The following JAM3 variants were observed in gnomAD, a reference collection of about 807,000 sequenced individuals.
JAM3 encodes the protein junctional adhesion molecule 3.
In JAM3, 31 loss-of-function variants were observed where a neutral mutation model predicts 39.4. The ratio of observed to expected loss-of-function variants is 0.79; its 90% CI spans 0.59 to 1.06. JAM3 has a LOEUF of 1.06. Ranked by LOEUF, JAM3 falls within the 50% of genes least tolerant of loss-of-function variation. The probability of loss-of-function intolerance (pLI) is 0.00; values close to 1 mark genes in which losing one functional copy is unlikely to be tolerated. For missense variants in JAM3, 455 were observed against 391.4 expected, an observed-to-expected ratio of 1.16 and a Z score of -1.37; for synonymous variants, 182 against 148.7, an observed-to-expected ratio of 1.22 and a Z score of -1.63.
chr11:134,099,656 G>A (rs918782450), intron 1 of JAM3, among the ~76,000 whole-genome samples: 1 of 152,174 alleles, frequency 6.6e-6, no homozygotes, highest in African/African-American at 2.4e-5. Flanking sequence ...GCCCAGGCTG[G>A]AGTGCAATGG....
intron 1 of JAM3, among the ~76,000 whole-genome samples, chr11:134,078,588 A>G (rs1222698351): frequency 6.6e-6 from 1 of 152,030 alleles, no homozygotes; most frequent in African/African-American, 2.4e-5. Flanking sequence ...TCGTTGTTGG[A>G]GCAGAAGGGC....
At chr11:134,141,567 G>C (rs574593690) in intron 3 of JAM3, among the ~76,000 whole-genome samples, 41 of 152,190 alleles carry the variant, frequency 2.7e-4, no homozygotes, top group African/African-American at 9.9e-4. Context: ...GAGGTGCCGT[G>C]GCTGCATCTA....
At chr11:134,118,677 A>G (rs1040698424) in intron 1 of JAM3, among the ~76,000 whole-genome samples, 2 of 152,106 alleles carry the variant, frequency 1.3e-5, no homozygotes, top group Non-Finnish European at 1.5e-5. Flanking sequence ...TATTTTATCC[A>G]CGTTTTTACT....
intron 8 of JAM3, 136 bp downstream of exon 8, chr11:134,148,954 TAACACACACACA>T (rs1479288496): frequency 6.0e-5 from 46 of 763,344 alleles, no homozygotes; most frequent in Non-Finnish European, 8.8e-5. Flanking sequence ...CCCTTCACAG[TAACACACACACA>T]CACACACACA....
intron 1 of JAM3, among the ~76,000 whole-genome samples, chr11:134,122,754 C>A (rs912672900): frequency 6.6e-6 from 1 of 152,196 alleles, no homozygotes; most frequent in Non-Finnish European, 1.5e-5. Context: ...TATGTGAATT[C>A]GCTGCTATTT....
At chr11:134,131,336 G>T (rs548224671) in intron 1 of JAM3, among the ~76,000 whole-genome samples, 4 of 152,032 alleles carry the variant, frequency 2.6e-5, no homozygotes, top group African/African-American at 9.7e-5. Flanking sequence ...CAAGGTTAAG[G>T]AACCTCAGTG....
intron 2 of JAM3, 69 bp from the exon 3 acceptor site, chr11:134,140,588 G>A: frequency 7.9e-7 from 1 of 1,262,994 alleles, no homozygotes; most frequent in Non-Finnish European, 1.2e-6. Context: ...AGCTTGCAGG[G>A]TCTGGGTGCA....
intron 1 of JAM3, among the ~76,000 whole-genome samples, chr11:134,125,434 C>T (rs1293440303): frequency 1.3e-5 from 2 of 152,160 alleles, no homozygotes; most frequent in African/African-American, 4.8e-5. Flanking sequence ...GATCCTCTTC[C>T]CACTTTATTT....
At position 134,140,644 on chromosome 11, in the gene JAM3, C is replaced by G. The variant is rs759242706; in HGVS notation, c.143-13C>G. ...ACATTCACCGAGAGCTCTTTTTCTTCTTTGCGTGTTAGGTGTGGAACTGTC... is the reference window on the plus strand; with the variant it reads ...ACATTCACCGAGAGCTCTTTTTCTTGTTTGCGTGTTAGGTGTGGAACTGTC... On this transcript the variant is annotated splice_polypyrimidine_tract_variant and intron_variant, in intron 2 of 8. Coordinates refer to ENST00000299106, the MANE Select transcript of JAM3 (RefSeq NM_032801.5). The G allele has an allele frequency of 1.2e-6, 2 of 1,606,808 alleles. No homozygotes were observed. The highest frequency in any genetic ancestry group is 8.5e-7 in the Non-Finnish European group (1 of 1,173,628).
intron 1 of JAM3, chr11:134,124,475 T>G: frequency 6.5e-6 from 3 of 461,064 alleles, no homozygotes; most frequent in Non-Finnish European, 1.2e-5. Context: ...TCAACTTGTT[T>G]ATTCCTTATG....
At chr11:134,128,060 C>T (rs958437493) in intron 1 of JAM3, among the ~76,000 whole-genome samples, 2 of 151,788 alleles carry the variant, frequency 1.3e-5, no homozygotes, top group African/African-American at 4.8e-5. Flanking sequence ...TGGGGTGTTG[C>T]TTACAGTTTA....
At chr11:134,082,554 A>T (rs1941684400) in intron 1 of JAM3, among the ~76,000 whole-genome samples, 1 of 152,028 alleles carries the variant, frequency 6.6e-6, no homozygotes, top group Non-Finnish European at 1.5e-5. Flanking sequence ...ATGAGATCTG[A>T]TGGTTTCAAA....
chr11:134,145,866 G>A, intron 5 of JAM3, 80 bp from the exon 6 acceptor site: 1 of 931,984 alleles, frequency 1.1e-6, no homozygotes, highest in Middle Eastern at 2.3e-4. Context: ...TGTCGACCTA[G>A]TTCTGGACCC....
intron 1 of JAM3, among the ~76,000 whole-genome samples, chr11:134,122,948 CAAG>C (rs1377096830): frequency 2.6e-5 from 4 of 152,168 alleles, no homozygotes; most frequent in Non-Finnish European, 4.4e-5. Context: ...TTTTAGAAGA[CAAG>C]TTTCTGGGAT....
intron 1 of JAM3, among the ~76,000 whole-genome samples, chr11:134,121,848 C>CACAG (rs1942539306): frequency 2.6e-5 from 4 of 152,114 alleles, no homozygotes; most frequent in Admixed American, 1.3e-4. Flanking sequence ...CACACACACA[C>CACAG]ACACCCTCCT....
chr11:134,131,429 A>C (rs1942768062), intron 1 of JAM3, among the ~76,000 whole-genome samples: 1 of 151,974 alleles, frequency 6.6e-6, no homozygotes, highest in Non-Finnish European at 1.5e-5. Context: ...AAAACACAGC[A>C]AATCTTGGGG....
rs762845568 is a variant in JAM3 at position 134,145,008 on chromosome 11, T to A, written c.612+14T>A. On this transcript the variant is annotated intron_variant, in intron 5 of 8. Coordinates refer to ENST00000299106, the MANE Select transcript of JAM3 (RefSeq NM_032801.5). Reference sequence around the variant, plus strand: ...ACAGGCACTTTGGTAAGATCTCTTCTAAGAGGTGAGGATGGAGATGTCTTT... The same window carrying A: ...ACAGGCACTTTGGTAAGATCTCTTCAAAGAGGTGAGGATGGAGATGTCTTT... 4 of 1,592,722 alleles carry A rather than the reference T, an allele frequency of 2.5e-6. No individual in the cohort carries two copies. The highest frequency in any genetic ancestry group is 2.6e-6 in the Non-Finnish European group (3 of 1,160,418).
chr11:134,146,006 G>A lies in JAM3; in HGVS notation c.673G>A (p.Ala225Thr), dbSNP rs1219633820. ...GQYYCIASND[A>T]GSARCEEQEM... ...GTACTACTGCATTGCTTCCAATGAC[G>A]CAGGCTCAGCCAGGTGTGAGGAGCA... Residue 225 changes from alanine to threonine, a missense_variant, in exon 6 of 9, where the codon GCA becomes ACA. Ala to Thr is a moderately conservative substitution (Grantham distance 58, BLOSUM62 0). Transcript: ENST00000299106. 4 of 1,613,962 alleles carry A rather than the reference G, an allele frequency of 2.5e-6. No homozygotes were observed. The highest frequency in any genetic ancestry group is 1.6e-4 in the Middle Eastern group (1 of 6,084).
At chr11:134,140,321 A>T (rs1565503758) in intron 2 of JAM3, among the ~76,000 whole-genome samples, 1 of 151,894 alleles carries the variant, frequency 6.6e-6, no homozygotes, top group Non-Finnish European at 1.5e-5. Flanking sequence ...GTTTGGCCTG[A>T]CTGGTCTCAA....
Sources: allele counts gnomAD v4.1 joint callset (sites outside exome capture counted in the v4.1 genomes callset), GRCh38; gene constraint gnomAD v4.1.1; transcripts MANE v1.5; gene names NCBI Gene and HGNC (gene_info 2026-07-23, HGNC 2026-07-21).